NME7: variants seen among roughly 807,000 people sequenced by gnomAD.
The protein encoded by NME7 is NME/NM23 family member 7, also known as nucleoside diphosphate kinase 7.
In NME7, 41 loss-of-function variants were observed where a neutral mutation model predicts 49.1. The ratio of observed to expected loss-of-function variants is 0.83; its 90% CI spans 0.65 to 1.08. The LOEUF (loss-of-function observed/expected upper bound fraction) is 1.08, where lower values mean the gene tolerates loss of function less well. Among genes scored for constraint, NME7 ranks in the 50% least tolerant of loss-of-function variants. The probability of loss-of-function intolerance (pLI) is 0.00; values close to 1 mark genes in which losing one functional copy is unlikely to be tolerated. For synonymous variants in NME7, 139 were observed against 150.6 expected (o/e 0.92, Z 0.56); for missense variants, 423 against 463.4 (o/e 0.91, Z 0.80).
At chr1:169,359,778 G>A (rs1327202682) in intron 1 of NME7, among the ~76,000 whole-genome samples, 26 of 151,992 alleles carry the variant, frequency 1.7e-4, no homozygotes, top group Admixed American at 1.7e-3. Flanking sequence ...GCCATTATGT[G>A]TGCATATGAA....
intron 1 of NME7, among the ~76,000 whole-genome samples, chr1:169,343,145 C>T (rs1380421653): frequency 6.6e-6 from 1 of 151,026 alleles, no homozygotes; most frequent in African/African-American, 2.4e-5. Context: ...CCTTTGGTCA[C>T]TTGTGTTTTG....
chr1:169,354,078 C>G (rs1039068408), intron 1 of NME7, among the ~76,000 whole-genome samples: 5 of 152,032 alleles, frequency 3.3e-5, no homozygotes, highest in African/African-American at 7.2e-5. Flanking sequence ...ATCAGTACAA[C>G]AAAGAGTTAT....
At chr1:169,249,988 T>G (rs1300227448) in intron 7 of NME7, among the ~76,000 whole-genome samples, 2 of 152,120 alleles carry the variant, frequency 1.3e-5, no homozygotes, top group Non-Finnish European at 2.9e-5. Context: ...ACTGGCTTCA[T>G]AGAATGAGTT....
intron 6 of NME7, among the ~76,000 whole-genome samples, chr1:169,294,198 C>T (rs1650621396): frequency 6.6e-6 from 1 of 152,064 alleles, no homozygotes; most frequent in Non-Finnish European, 1.5e-5. Flanking sequence ...CAGGTTCAAT[C>T]ATTATCTTAT....
intron 10 of NME7, among the ~76,000 whole-genome samples, chr1:169,224,230 A>G (rs1661233571): frequency 6.6e-6 from 1 of 152,102 alleles, no homozygotes; most frequent in South Asian, 2.1e-4. Context: ...CCAAGTGTGA[A>G]TGCTCTCTTC....
At chr1:169,238,810 T>C (rs67214318) in intron 7 of NME7, among the ~76,000 whole-genome samples, 10,646 of 152,116 alleles carry the variant, frequency 0.07, 1,483 homozygotes, top group East Asian at 0.66. Context: ...GGCTCATGCC[T>C]AACTCAGAGT....
intron 7 of NME7, chr1:169,283,810 T>C (rs1650146136): frequency 6.6e-6 from 1 of 152,184 alleles, no homozygotes; most frequent in African/African-American, 2.4e-5. Flanking sequence ...TCTGCAAAGA[T>C]ATCTGCTGTT....
intron 1 of NME7, among the ~76,000 whole-genome samples, chr1:169,339,307 A>G (rs894018412): frequency 6.6e-6 from 1 of 152,212 alleles, no homozygotes; most frequent in Non-Finnish European, 1.5e-5. Flanking sequence ...TATACTTGAT[A>G]AAGTATTAAG....
intron 3 of NME7, among the ~76,000 whole-genome samples, chr1:169,318,164 G>C (rs965691592): frequency 5.9e-5 from 9 of 152,170 alleles, no homozygotes; most frequent in Admixed American, 2.6e-4. Flanking sequence ...CCTCAGGCAG[G>C]CCTCAAGTTC....
At chr1:169,295,709 T>C (rs920627070) in intron 6 of NME7, among the ~76,000 whole-genome samples, 7 of 152,288 alleles carry the variant, frequency 4.6e-5, no homozygotes, top group African/African-American at 1.7e-4. Context: ...ACCACACTCA[T>C]AGTTCATGGC....
At chr1:169,348,818 T>C (rs1369647080) in intron 1 of NME7, among the ~76,000 whole-genome samples, 1 of 151,762 alleles carries the variant, frequency 6.6e-6, no homozygotes, top group Non-Finnish European at 1.5e-5. Flanking sequence ...GTATATCACC[T>C]ATATCCACTA....
At chr1:169,321,331 G>T (rs1386808075) in intron 3 of NME7, among the ~76,000 whole-genome samples, 1 of 152,106 alleles carries the variant, frequency 6.6e-6, no homozygotes, top group African/African-American at 2.4e-5. Context: ...CTTCACTTCA[G>T]CCTGGGTGAC....
At chr1:169,155,638 A>T (rs1314074235) in intron 11 of NME7, among the ~76,000 whole-genome samples, 2 of 152,220 alleles carry the variant, frequency 1.3e-5, no homozygotes, top group Admixed American at 1.3e-4. Flanking sequence ...GCTGTTGGTG[A>T]TTAAATGTCC....
At chr1:169,294,215 G>C (rs1205505691) in intron 6 of NME7, among the ~76,000 whole-genome samples, 1 of 152,028 alleles carries the variant, frequency 6.6e-6, no homozygotes, top group Non-Finnish European at 1.5e-5. Flanking sequence ...TTATTTTACA[G>C]ACTAGGAAAC....
intron 1 of NME7, among the ~76,000 whole-genome samples, chr1:169,365,175 C>T (rs1653806120): frequency 6.6e-6 from 1 of 152,164 alleles, no homozygotes. Context: ...TTTGGAAACA[C>T]CTATAAATTC....
intron 10 of NME7, among the ~76,000 whole-genome samples, chr1:169,230,320 C>A (rs74125218): frequency 0.021 from 3,142 of 152,122 alleles, 111 homozygotes; most frequent in African/African-American, 0.072. Context: ...AGTCTTATTG[C>A]CCATATTTAT....
At position 169,323,357 on chromosome 1, in the gene NME7, G is replaced by A. The variant is rs1189497634; in HGVS notation, c.112-74C>T. The A allele has an allele frequency of 5.8e-6, 7 of 1,204,670 alleles. No homozygotes were observed. In the East Asian group the frequency reaches 1.9e-4, roughly 33 times the overall value. 74.6% of individuals were successfully genotyped at this position (1,204,670 alleles called of 1,614,324 possible). On this transcript the variant is annotated intron_variant, in intron 2 of 11. Coordinates refer to ENST00000367811, the MANE Select transcript of NME7 (RefSeq NM_013330.5). Reference sequence around the variant, plus strand: ...TAAGGAAAGTTAATCTCATCATAAGGTAGAAATAATTCTTAATTCTGTCTT... The same window carrying A: ...TAAGGAAAGTTAATCTCATCATAAGATAGAAATAATTCTTAATTCTGTCTT...
At chr1:169,253,544 T>A (rs532430107) in intron 7 of NME7, among the ~76,000 whole-genome samples, 2 of 152,262 alleles carry the variant, frequency 1.3e-5, no homozygotes, top group African/African-American at 4.8e-5. Context: ...CCTAATTGAA[T>A]ACCCTTTATT....
At chr1:169,357,762 G>C (rs1653512953) in intron 1 of NME7, among the ~76,000 whole-genome samples, 1 of 151,984 alleles carries the variant, frequency 6.6e-6, no homozygotes, top group Non-Finnish European at 1.5e-5. Context: ...AGTCTAAGTG[G>C]CAAGAAACAG....
Sources: gnomAD v4.1 joint callset for allele counts (sites outside exome capture counted in the v4.1 genomes callset) on GRCh38, gnomAD v4.1.1 for gene constraint, MANE v1.5 for transcripts, NCBI Gene and HGNC (gene_info 2026-07-23, HGNC 2026-07-21) for gene names.